Variants in RHBDL2 observed in about 807,000 individuals in gnomAD.
RHBDL2 encodes rhomboid like 2.
RHBDL2 carries 26 observed loss-of-function variants against 31.7 expected under a neutral mutation model. The observed-to-expected ratio is 0.82, with a 90% CI of 0.60 to 1.14. The LOEUF is 1.14. Ranked by LOEUF, RHBDL2 falls within the 50% of genes most tolerant of loss-of-function variation. The pLI is 0.00. For missense variants in RHBDL2, 336 were observed against 364.4 expected, an observed-to-expected ratio of 0.92 and a Z score of 0.63; for synonymous variants, 123 against 127.2, an observed-to-expected ratio of 0.97 and a Z score of 0.22.
At chr1:38,920,960 AC>A (rs1161502155) in intron 1 of RHBDL2, among the ~76,000 whole-genome samples, 2 of 152,052 alleles carry the variant, frequency 1.3e-5, no homozygotes, top group African/African-American at 4.8e-5. Context: ...GGGAGCATAT[AC>A]CTATGAGTGG....
intron 1 of RHBDL2, among the ~76,000 whole-genome samples, chr1:38,924,276 C>T (rs1323539646): frequency 6.6e-6 from 1 of 152,066 alleles, no homozygotes; most frequent in Admixed American, 6.6e-5. Context: ...ATAGAAAGAT[C>T]CCACCTGGCC....
intron 1 of RHBDL2, among the ~76,000 whole-genome samples, chr1:38,938,880 G>T (rs1643536087): frequency 6.6e-6 from 1 of 152,178 alleles, no homozygotes; most frequent in African/African-American, 2.4e-5. Flanking sequence ...CAGGGCTTCC[G>T]CATTATTCAT....
At chr1:38,937,861 T>C (rs991462177) in intron 1 of RHBDL2, among the ~76,000 whole-genome samples, 3 of 152,142 alleles carry the variant, frequency 2.0e-5, no homozygotes, top group Admixed American at 6.6e-5. Flanking sequence ...CAAGAGATCC[T>C]TCATGAACAA....
rs376145794 is a variant in RHBDL2, at chr1:38,886,247, G to T, written c.*257C>A. ...TGGGATTACAGGCGTGAGCCACTGC[G>T]CCTGGCCCCAATCTCTAGTTTTTAC... On this transcript the variant is annotated 3_prime_UTR_variant, in exon 8 of 8. Transcript: ENST00000372990. 4.3e-6 allele frequency: 1 copy of T among 232,924 alleles called. No individual in the cohort carries two copies. Among genetic ancestry groups the T allele is most frequent in the Non-Finnish European group, 8.3e-6 (1 of 120,442 alleles). The allele number at this position is 232,924 out of a possible 1,614,324, so 14.4% of individuals were successfully genotyped here. A position where few individuals can be genotyped will look rare whatever the true frequency, so the allele number is the denominator to read the frequency against.
chr1:38,897,807 A>G (rs1365431370), intron 4 of RHBDL2, among the ~76,000 whole-genome samples: 1 of 152,186 alleles, frequency 6.6e-6, no homozygotes, highest in African/African-American at 2.4e-5. Context: ...GCATACAAAC[A>G]GGTATATGGA....
intron 1 of RHBDL2, among the ~76,000 whole-genome samples, chr1:38,922,834 G>A (rs962530074): frequency 6.6e-6 from 1 of 152,034 alleles, no homozygotes; most frequent in Non-Finnish European, 1.5e-5. Flanking sequence ...GCTCATGCCT[G>A]TAATACCAGC....
chr1:38,910,212 T>C (rs1169019104), intron 4 of RHBDL2, among the ~76,000 whole-genome samples: 1 of 152,128 alleles, frequency 6.6e-6, no homozygotes, highest in Non-Finnish European at 1.5e-5. Context: ...GGACAGAAGA[T>C]GGTATAGCTA....
intron 4 of RHBDL2, among the ~76,000 whole-genome samples, chr1:38,906,082 A>AC (rs1643062942): frequency 6.6e-6 from 1 of 151,990 alleles, no homozygotes; most frequent in African/African-American, 2.4e-5. Context: ...AAAAAAAAAA[A>AC]ACTTACAGCT....
intron 1 of RHBDL2, among the ~76,000 whole-genome samples, chr1:38,936,885 C>A (rs1417548167): frequency 6.6e-6 from 1 of 152,098 alleles, no homozygotes; most frequent in Non-Finnish European, 1.5e-5. Context: ...CCACCCAACT[C>A]GGCCTCCCAA....
intron 1 of RHBDL2, among the ~76,000 whole-genome samples, chr1:38,919,669 C>T (rs934840470): frequency 1.1e-4 from 16 of 151,030 alleles, no homozygotes; most frequent in African/African-American, 3.9e-4. Context: ...AGTGCAATGG[C>T]GAGATCTCAG....
intron 1 of RHBDL2, among the ~76,000 whole-genome samples, chr1:38,925,204 A>G (rs1643361421): frequency 6.6e-6 from 1 of 152,136 alleles, no homozygotes; most frequent in Admixed American, 6.6e-5. Context: ...ATTACATTGT[A>G]AAGTATAGCC....
chr1:38,937,566 C>A (rs1643524133), intron 1 of RHBDL2, among the ~76,000 whole-genome samples: 1 of 152,120 alleles, frequency 6.6e-6, no homozygotes, highest in African/African-American at 2.4e-5. Flanking sequence ...TTAATGTTAT[C>A]TGTGCCCCCG....
intron 1 of RHBDL2, among the ~76,000 whole-genome samples, chr1:38,919,628 T>G (rs1643285006): frequency 6.6e-6 from 1 of 151,598 alleles, no homozygotes. Flanking sequence ...TTTTATGAGG[T>G]GGAGTCATCT....
At chr1:38,910,759 T>C (rs1475336961) in intron 4 of RHBDL2, among the ~76,000 whole-genome samples, 3 of 136,040 alleles carry the variant, frequency 2.2e-5, no homozygotes, top group Admixed American at 1.4e-4. Flanking sequence ...TTTTCTTTTT[T>C]TTTTTTTTTT....
Position 38,941,349 on chromosome 1 carries a change from G to A in RHBDL2, c.-126+333C>T, listed in dbSNP as rs12567060. On this transcript the variant is annotated intron_variant, in intron 1 of 7. Coordinates refer to ENST00000372990, the MANE Select transcript of RHBDL2 (RefSeq NM_017821.5). ...AAAACTTAGGAGGGTAGGGGGTGCT[G>A]GGGAGAACGTGATGGCTGGAGGGAA... is the stretch of plus-strand genomic sequence containing the variant. Among the ~76,000 whole-genome samples the A allele has an allele frequency of 1.8e-3, 271 of 152,242 alleles. 8 individuals are homozygous for A. In the East Asian group the frequency reaches 0.049, roughly 27 times the overall value.
chr1:38,901,788 C>T (rs1196468748), intron 4 of RHBDL2, among the ~76,000 whole-genome samples: 2 of 151,222 alleles, frequency 1.3e-5, no homozygotes, highest in Non-Finnish European at 2.9e-5. Context: ...GCTGAGATTG[C>T]ACCACTGCAC....
chr1:38,929,279 G>T, intron 1 of RHBDL2: 1 of 616,448 alleles, frequency 1.6e-6, no homozygotes, highest in Non-Finnish European at 2.5e-6. Flanking sequence ...GAGAAGATGG[G>T]GCTGGGAATT....
chr1:38,888,794 C>CTGTTTT (rs61709151), intron 6 of RHBDL2, among the ~76,000 whole-genome samples: 64,241 of 151,230 alleles, frequency 0.42, 15,244 homozygotes, highest in Middle Eastern at 0.6. Context: ...ACTCAGCTTT[C>CTGTTTT]TGTTTTTGTT....
In RHBDL2 at chr1:38,886,185, C is replaced by G. The variant is rs183296475; in HGVS notation, c.*319G>C. The stretch of plus-strand genomic sequence containing the variant: ...GTCAGGCTGGTCTTGAACTCATGAC[C>G]TCAGGTGATTTCACCCGCCTCAGCC... On this transcript the variant is annotated 3_prime_UTR_variant, in exon 8 of 8. Coordinates refer to ENST00000372990, the MANE Select transcript of RHBDL2 (RefSeq NM_017821.5). The G allele has an allele frequency of 2.4e-5, 4 of 164,808 alleles. No individual in the cohort carries two copies. Among genetic ancestry groups the G allele is most frequent in the Admixed American group, 6.4e-5 (1 of 15,650 alleles). 10.2% of individuals were successfully genotyped at this position (164,808 alleles called of 1,614,324 possible). A position where few individuals can be genotyped will look rare whatever the true frequency, so the allele number is the denominator to read the frequency against.
Sources: allele counts gnomAD v4.1 joint callset (sites outside exome capture counted in the v4.1 genomes callset), GRCh38; gene constraint gnomAD v4.1.1; transcripts MANE v1.5; gene names NCBI Gene and HGNC (gene_info 2026-07-23, HGNC 2026-07-21).